MMP26: variants seen among roughly 807,000 people sequenced by gnomAD.
The protein encoded by MMP26 is matrix metalloproteinase-26.
MMP26 carries 33 observed loss-of-function variants against 31.0 expected under a neutral mutation model. The ratio of observed to expected loss-of-function variants is 1.06; its 90% CI spans 0.81 to 1.42. MMP26 has a LOEUF of 1.42. MMP26 is among the 40% of genes most tolerant of loss of function. The pLI, the probability that MMP26 is intolerant of heterozygous loss-of-function variation, is 0.00. For synonymous variants in MMP26, 122 were observed against 114.9 expected, an observed-to-expected ratio of 1.06 and a Z score of -0.40; for missense variants, 347 against 316.1, an observed-to-expected ratio of 1.10 and a Z score of -0.74.
chr11:4,831,868 T>C (rs868641580), intron 2 of MMP26, among the ~76,000 whole-genome samples: 2 of 152,212 alleles, frequency 1.3e-5, no homozygotes, highest in African/African-American at 4.8e-5. Context: ...TAGAAAATTA[T>C]TCAGAAATAT....
intron 2 of MMP26, among the ~76,000 whole-genome samples, chr11:4,938,745 T>G (rs546334565): frequency 1.3e-5 from 2 of 152,234 alleles, no homozygotes; most frequent in Admixed American, 6.5e-5. Context: ...AATTCATGAA[T>G]TATCCCAAAC....
chr11:4,769,958 A>G (rs755130646), intron 2 of MMP26: 1 of 1,002,472 alleles, frequency 1.0e-6, no homozygotes, highest in Non-Finnish European at 1.6e-6. Context: ...CAATGCTTCC[A>G]TCCTATAGAA....
intron 1 of MMP26, chr11:4,718,739 G>A (rs1847969901): frequency 6.4e-6 from 1 of 156,818 alleles, no homozygotes; most frequent in African/African-American, 2.4e-5. Flanking sequence ...GCCCTCTCAG[G>A]AAACAGCCTG....
At chr11:4,945,206 G>A (rs1846275711) in intron 2 of MMP26, 1 of 151,820 alleles carries the variant, frequency 6.6e-6, no homozygotes, top group Non-Finnish European at 1.5e-5. Flanking sequence ...TACAAACTAG[G>A]GCTAGGTAAT....
At chr11:4,791,142 C>A (rs772621349) in intron 2 of MMP26, among the ~76,000 whole-genome samples, 1 of 152,118 alleles carries the variant, frequency 6.6e-6, no homozygotes, top group Non-Finnish European at 1.5e-5. Flanking sequence ...AAAGAGGCCA[C>A]AATTTGTGCT....
intron 2 of MMP26, chr11:4,946,638 T>A: frequency 6.3e-7 from 1 of 1,582,538 alleles, no homozygotes; most frequent in Non-Finnish European, 8.7e-7. Flanking sequence ...ACCAGGAGCA[T>A]GCTCTTAAAG....
At chr11:4,735,928 T>G (rs2133287967) in intron 1 of MMP26, among the ~76,000 whole-genome samples, 1 of 152,322 alleles carries the variant, frequency 6.6e-6, no homozygotes, top group Non-Finnish European at 1.5e-5. Context: ...CTTCCAAACC[T>G]TTAGTAACAT....
chr11:4,989,103 C>CT (rs1282574822), intron 3 of MMP26, among the ~76,000 whole-genome samples: 2 of 152,118 alleles, frequency 1.3e-5, no homozygotes, highest in East Asian at 1.9e-4. Context: ...ATACAATGTG[C>CT]TTTTTTTGTA....
chr11:4,724,142 C>T (rs1039980221), intron 1 of MMP26: 17 of 597,496 alleles, frequency 2.8e-5, no homozygotes, highest in Non-Finnish European at 3.9e-5. Context: ...GTGGACACCT[C>T]GTAGGACTTC....
At chr11:4,822,300 T>G in intron 2 of MMP26, 1 of 1,534,214 alleles carries the variant, frequency 6.5e-7, no homozygotes, top group Non-Finnish European at 8.8e-7. Context: ...ACCCTATTAT[T>G]TACAGTGTAA....
At position 4,723,140 on chromosome 11, in the gene MMP26, G is replaced by T. The variant is rs569906080; in HGVS notation, c.-217+18095G>T. ...CTCCAGCTCGGACAGCTTGGAGTTG[G>T]CATCCTTAATGGCCAGCTCCCCACG... On this transcript the variant is annotated intron_variant, in intron 1 of 7. Coordinates refer to ENST00000380390, the MANE Select transcript of MMP26 (RefSeq NM_021801.5). The T allele has an allele frequency of 1.8e-5, 29 of 1,594,984 alleles. No individual in the cohort carries two copies. In the African/African-American group the frequency reaches 3.5e-4, roughly 19 times the overall value.
chr11:4,744,922 AT>A (rs1269017079), intron 1 of MMP26, among the ~76,000 whole-genome samples: 1 of 152,126 alleles, frequency 6.6e-6, no homozygotes, highest in Non-Finnish European at 1.5e-5. Context: ...TGATAAGAAG[AT>A]TTAATATGCA....
At chr11:4,863,867 G>A (rs1850198489) in intron 2 of MMP26, among the ~76,000 whole-genome samples, 1 of 152,128 alleles carries the variant, frequency 6.6e-6, no homozygotes, top group African/African-American at 2.4e-5. Flanking sequence ...CTTCTATTAT[G>A]TCCAACACTT....
rs995908240 is a variant in MMP26, at chr11:4,824,125, G to T, written c.-145+56784G>T. Among the ~76,000 whole-genome samples the T allele has an allele frequency of 4.6e-5, 7 of 152,152 alleles. No homozygotes were observed. In the South Asian group the frequency reaches 6.2e-4, roughly 14 times the overall value. On this transcript the variant is annotated intron_variant, in intron 2 of 7. Coordinates refer to ENST00000380390, the MANE Select transcript of MMP26 (RefSeq NM_021801.5). Reference sequence around the variant, plus strand: ...GTAGTAGCATTGTGGGACACTTTGTGGGGGAGACCAAGACTCATATTCAAT... The same window carrying T: ...GTAGTAGCATTGTGGGACACTTTGTTGGGGAGACCAAGACTCATATTCAAT...
At chr11:4,979,680 A>T (rs1846786600) in intron 2 of MMP26, among the ~76,000 whole-genome samples, 1 of 152,038 alleles carries the variant, frequency 6.6e-6, no homozygotes, top group African/African-American at 2.4e-5. Flanking sequence ...TCTCCTTTTA[A>T]TGCACTTGTG....
intron 1 of MMP26, among the ~76,000 whole-genome samples, chr11:4,741,653 G>T (rs905003913): frequency 6.6e-6 from 1 of 151,446 alleles, no homozygotes; most frequent in Non-Finnish European, 1.5e-5. Context: ...GTTGGGGGTG[G>T]GTGGGGGAGG....
At chr11:4,750,029 G>T (rs966542352) in intron 1 of MMP26, among the ~76,000 whole-genome samples, 3 of 151,992 alleles carry the variant, frequency 2.0e-5, no homozygotes, top group Admixed American at 1.3e-4. Context: ...TACCAATTGT[G>T]CATCTAACAA....
intron 2 of MMP26, among the ~76,000 whole-genome samples, chr11:4,813,922 C>T (rs1014772550): frequency 1.2e-4 from 18 of 151,930 alleles, no homozygotes; most frequent in Non-Finnish European, 1.8e-4. Context: ...AAGAGAGCCC[C>T]GTAATCCATA....
Position 4,744,672 on chromosome 11 carries a change from T to C in MMP26, c.-216-22598T>C, listed in dbSNP as rs572469062. Among the ~76,000 whole-genome samples the C allele has an allele frequency of 1.2e-4, 19 of 152,370 alleles. No homozygotes were observed. The South Asian group carries it at 3.7e-3, about 30-fold the overall frequency. ...TCTGATAAATTGTATTTGCTTGTTTTGCCTTTGTGCTTTGGAGTCATTCTG... is the reference window on the plus strand; with the variant it reads ...TCTGATAAATTGTATTTGCTTGTTTCGCCTTTGTGCTTTGGAGTCATTCTG... On this transcript the variant is annotated intron_variant, in intron 1 of 7. Coordinates refer to ENST00000380390, the MANE Select transcript of MMP26 (RefSeq NM_021801.5).
Sources: gnomAD v4.1 joint callset for allele counts (sites outside exome capture counted in the v4.1 genomes callset) on GRCh38, gnomAD v4.1.1 for gene constraint, MANE v1.5 for transcripts, NCBI Gene and HGNC (gene_info 2026-07-23, HGNC 2026-07-21) for gene names.